The following NPFFR2 variants were observed in gnomAD, a reference collection of about 807,000 sequenced individuals.
NPFFR2 encodes the protein G-protein coupled receptor 74.
Under a neutral mutation model 13.1 loss-of-function variants are expected in NPFFR2, and 15 were observed. That is an observed-to-expected ratio of 1.15 (90% CI 0.77 to 1.76). NPFFR2 has a LOEUF of 1.76. Ranked by LOEUF, NPFFR2 falls within the 40% of genes most tolerant of loss-of-function variation. NPFFR2 has a pLI of 0.00. For synonymous variants in NPFFR2, 190 were observed against 175.7 expected, an observed-to-expected ratio of 1.08 and a Z score of -0.65; for missense variants, 572 against 503.5, an observed-to-expected ratio of 1.14 and a Z score of -1.30.
intron 1 of NPFFR2, among the ~76,000 whole-genome samples, chr4:72,091,544 CT>C (rs1366853780): frequency 6.6e-6 from 1 of 152,052 alleles, no homozygotes; most frequent in African/African-American, 2.4e-5. Flanking sequence ...GTTTCTACTT[CT>C]TCTGGTTTAA....
chr4:72,053,699 T>C (rs952216206), intron 1 of NPFFR2, among the ~76,000 whole-genome samples: 10 of 151,910 alleles, frequency 6.6e-5, no homozygotes, highest in Non-Finnish European at 1.3e-4. Flanking sequence ...TTCAGGATTT[T>C]CTATGTACAC....
At chr4:72,118,155 G>A (rs1721765342) in intron 1 of NPFFR2, among the ~76,000 whole-genome samples, 1 of 152,160 alleles carries the variant, frequency 6.6e-6, no homozygotes, top group Non-Finnish European at 1.5e-5. Flanking sequence ...TTGAAAATAT[G>A]TGCTCTGGAG....
intron 1 of NPFFR2, among the ~76,000 whole-genome samples, chr4:72,079,571 G>T (rs1720547558): frequency 6.6e-6 from 1 of 152,148 alleles, no homozygotes; most frequent in Admixed American, 6.6e-5. Flanking sequence ...AAAATAGGAG[G>T]AAATCTTTGT....
intron 1 of NPFFR2, among the ~76,000 whole-genome samples, chr4:72,032,717 CT>C (rs1718958064): frequency 6.6e-6 from 1 of 152,164 alleles, no homozygotes. Flanking sequence ...GTTTTATCCC[CT>C]TCTGGGAGTG....
chr4:72,097,849 G>A (rs529213492), intron 1 of NPFFR2, among the ~76,000 whole-genome samples: 155 of 152,248 alleles, frequency 1.0e-3, no homozygotes, highest in South Asian at 2.1e-3. Flanking sequence ...GTTGGTTGTT[G>A]ATGTAATTTA....
intron 1 of NPFFR2, among the ~76,000 whole-genome samples, chr4:72,109,691 T>C (rs200414587): frequency 6.6e-6 from 1 of 151,930 alleles, no homozygotes; most frequent in African/African-American, 2.4e-5. Context: ...TTCCCTAAAT[T>C]CCATGAAATT....
At chr4:72,132,884 G>A (rs1245950703) in intron 2 of NPFFR2, among the ~76,000 whole-genome samples, 1 of 152,046 alleles carries the variant, frequency 6.6e-6, no homozygotes, top group Non-Finnish European at 1.5e-5. Flanking sequence ...CCTTTTAGAT[G>A]CTGGATATTA....
chr4:72,106,783 C>T (rs2109815342), intron 1 of NPFFR2, among the ~76,000 whole-genome samples: 1 of 152,074 alleles, frequency 6.6e-6, no homozygotes, highest in South Asian at 2.1e-4. Flanking sequence ...TATTATTAGG[C>T]TGAACAAATT....
chr4:72,147,013 T>G lies in NPFFR2; in HGVS notation c.464T>G (p.Leu155Arg). The G allele has an allele frequency of 1.9e-6, 3 of 1,613,924 alleles. No individual in the cohort carries two copies. Among genetic ancestry groups the G allele is most frequent in the Non-Finnish European group, 2.5e-6 (3 of 1,179,888 alleles). Residue 155 changes from leucine to arginine, a missense_variant, in exon 4 of 4, where the codon CTC becomes CGC. By Grantham distance (102) the Leu-to-Arg change is moderately radical. Coordinates refer to ENST00000308744, the MANE Select transcript of NPFFR2 (RefSeq NM_004885.3). ...QCVVYPFKPK[L>R]TIKTAFVIIM... The stretch of plus-strand genomic sequence containing the variant: ...GTGGTCTACCCTTTTAAACCAAAGC[T>G]CACTATCAAGACAGCGTTTGTCATT...
At chr4:72,105,714 A>T (rs1356278687) in intron 1 of NPFFR2, among the ~76,000 whole-genome samples, 3 of 152,028 alleles carry the variant, frequency 2.0e-5, no homozygotes, top group Non-Finnish European at 4.4e-5. Context: ...CTTTGAAGAG[A>T]CTATTTATTT....
intron 1 of NPFFR2, among the ~76,000 whole-genome samples, chr4:72,113,588 A>C (rs1225087258): frequency 6.6e-6 from 1 of 152,134 alleles, no homozygotes; most frequent in African/African-American, 2.4e-5. Context: ...ATTAAGATTT[A>C]TGAGATTAAA....
chr4:72,128,755 T>C lies in NPFFR2; in HGVS notation c.164T>C (p.Ile55Thr), dbSNP rs1202098629. 6.2e-7 allele frequency: 1 copy of C among 1,614,148 alleles called. No homozygotes were observed. The highest frequency in any genetic ancestry group is 8.5e-7 in the Non-Finnish European group (1 of 1,180,004). The change falls in exon 2 of 4, where the codon ATC becomes ACC. Residue 55 changes from isoleucine to threonine, a missense_variant. By Grantham distance (89) the Ile-to-Thr change is moderately conservative. Transcript: ENST00000308744. ...ATCTTCATTATTTCCTACTTTCTGA[T>C]CTTCTTTTTGTGCATGATGGGAAAT... is the stretch of plus-strand genomic sequence containing the variant. ...AAIFIISYFL[I>T]FFLCMMGNTV...
chr4:72,128,892 A>G lies in NPFFR2; in HGVS notation c.301A>G (p.Ile101Val), dbSNP rs1339247915. 3.1e-6 allele frequency: 5 copies of G among 1,613,014 alleles called. No homozygotes were observed. Among genetic ancestry groups the G allele is most frequent in the Admixed American group, 1.7e-5 (1 of 59,988 alleles). Residue 101 changes from isoleucine to valine, a missense_variant, in exon 2 of 4, where the codon ATA (isoleucine) becomes GTA (valine). Transcript: ENST00000308744. ...ACTAGTTGGCATATTCTGCATGCCT[A>G]TAACACTGCTGGACAATATTATAGC... ...DLLVGIFCMP[I>V]TLLDNIIAGW...
At chr4:72,083,800 T>TATGAGCTCTCAGCTCATAAAACC (rs1720694874) in intron 1 of NPFFR2, among the ~76,000 whole-genome samples, 1 of 152,146 alleles carries the variant, frequency 6.6e-6, no homozygotes, top group Admixed American at 6.6e-5. Flanking sequence ...CCAAGCACTT[T>TATGAGCTCTCAGCTCATAAAACC]AAGTCTCCAC....
chr4:72,083,113 T>G (rs1437049218), intron 1 of NPFFR2, among the ~76,000 whole-genome samples: 1 of 152,200 alleles, frequency 6.6e-6, no homozygotes, highest in African/African-American at 2.4e-5. Flanking sequence ...TGTATCACAC[T>G]TGAATAATGG....
chr4:72,032,229 G>T (rs767538058), intron 1 of NPFFR2, 29 bp downstream of exon 1: 2 of 1,563,538 alleles, frequency 1.3e-6, no homozygotes, highest in Non-Finnish European at 1.7e-6. Context: ...TTGTCTGGGG[G>T]CCCCCGCTTG....
intron 2 of NPFFR2, among the ~76,000 whole-genome samples, chr4:72,133,310 A>G (rs1010629476): frequency 6.6e-6 from 1 of 152,018 alleles, no homozygotes; most frequent in Non-Finnish European, 1.5e-5. Flanking sequence ...TGAAGGTTAG[A>G]TATTTGTAGG....
intron 2 of NPFFR2, among the ~76,000 whole-genome samples, chr4:72,132,054 C>T (rs28771081): frequency 0.044 from 6,630 of 151,352 alleles, 402 homozygotes; most frequent in African/African-American, 0.14. Flanking sequence ...AAGTTTATTA[C>T]ACAGGTAAAC....
Position 72,104,663 on chromosome 4 carries a change from A to G in NPFFR2, c.-7-23922A>G, listed in dbSNP as rs993674385. Among the ~76,000 whole-genome samples, 8 of 152,166 alleles carry G rather than the reference A, an allele frequency of 5.3e-5. No individual in the cohort carries two copies. The South Asian group carries it at 1.7e-3, about 32-fold the overall frequency. On this transcript the variant is annotated intron_variant, in intron 1 of 3. Transcript: ENST00000308744. ...CTCAGAACTAACTTCTACCCCTGGT[A>G]CTTTCCTTATGCTTCTCTTAATGAG...
Sources: gnomAD v4.1 joint callset for allele counts (sites outside exome capture counted in the v4.1 genomes callset) on GRCh38, gnomAD v4.1.1 for gene constraint, MANE v1.5 for transcripts, NCBI Gene and HGNC (gene_info 2026-07-23, HGNC 2026-07-21) for gene names.